The following CHODL variants were observed in gnomAD, a reference collection of about 807,000 sequenced individuals.
CHODL encodes chondrolectin.
In CHODL, 29 loss-of-function variants were observed where a neutral mutation model predicts 34.5. That is an observed-to-expected ratio of 0.84 (90% confidence interval 0.63 to 1.15). The LOEUF (loss-of-function observed/expected upper bound fraction) is 1.15, where lower values mean the gene tolerates loss of function less well. Ranked by LOEUF, CHODL falls within the 50% of genes most tolerant of loss-of-function variation. CHODL has a pLI of 0.00. For synonymous variants in CHODL, 125 were observed against 116.1 expected (o/e 1.08, Z -0.49); for missense variants, 332 against 332.5 (o/e 1.00, Z 0.01).
intron 1 of CHODL, among the ~76,000 whole-genome samples, chr21:17,920,622 A>G (rs575771294): frequency 3.9e-5 from 6 of 152,352 alleles, no homozygotes; most frequent in Non-Finnish European, 7.3e-5. Flanking sequence ...TGTTGTAAGG[A>G]TTAAACAAGA....
intron 2 of CHODL, among the ~76,000 whole-genome samples, chr21:18,192,764 A>T (rs2073525911): frequency 6.6e-6 from 1 of 152,182 alleles, no homozygotes; most frequent in African/African-American, 2.4e-5. Context: ...AACCCATTTT[A>T]TATCTTTATT....
At chr21:18,135,133 T>C (rs1159656580) in intron 2 of CHODL, among the ~76,000 whole-genome samples, 1 of 152,222 alleles carries the variant, frequency 6.6e-6, no homozygotes. Flanking sequence ...CTTTCTCCTA[T>C]TGAAGTGTAA....
At chr21:18,095,123 C>CAA (rs71329775) in intron 2 of CHODL, among the ~76,000 whole-genome samples, 1 of 131,832 alleles carries the variant, frequency 7.6e-6, no homozygotes, top group Non-Finnish European at 1.6e-5. Flanking sequence ...GACTTTGTCT[C>CAA]AAAAAAAAAA....
chr21:18,169,167 A>T (rs560498653), intron 2 of CHODL, among the ~76,000 whole-genome samples: 1 of 152,164 alleles, frequency 6.6e-6, no homozygotes, highest in African/African-American at 2.4e-5. Flanking sequence ...TTTGTAAAAA[A>T]TTTTTTGATT....
chr21:18,083,138 G>A (rs1172935576), intron 2 of CHODL, among the ~76,000 whole-genome samples: 1 of 152,204 alleles, frequency 6.6e-6, no homozygotes, highest in South Asian at 2.1e-4. Flanking sequence ...GCTCTTTGCA[G>A]TCTTGGGACA....
chr21:18,207,653 T>G (rs1388478314), intron 2 of CHODL, among the ~76,000 whole-genome samples: 2 of 129,318 alleles, frequency 1.5e-5, no homozygotes, highest in African/African-American at 3.0e-5. Context: ...TGATGAAATC[T>G]CTCAGCTTTT....
chr21:18,040,911 T>C (rs1305559874), intron 2 of CHODL, among the ~76,000 whole-genome samples: 1 of 151,916 alleles, frequency 6.6e-6, no homozygotes, highest in African/African-American at 2.4e-5. Context: ...GGTAATAAAT[T>C]GGCTTCTGAA....
chr21:18,156,020 G>A (rs1601081287), intron 2 of CHODL, among the ~76,000 whole-genome samples: 1 of 152,312 alleles, frequency 6.6e-6, no homozygotes, highest in Middle Eastern at 3.4e-3. Flanking sequence ...TTAACTGTCT[G>A]TAGTGTGAGA....
At chr21:18,009,117 C>G (rs912696777) in intron 1 of CHODL, among the ~76,000 whole-genome samples, 1 of 152,072 alleles carries the variant, frequency 6.6e-6, no homozygotes, top group South Asian at 2.1e-4. Context: ...ATCATTCTTC[C>G]GTCATAGACA....
chr21:18,004,044 T>C (rs73194584), intron 1 of CHODL, among the ~76,000 whole-genome samples: 28,475 of 152,166 alleles, frequency 0.19, 3,776 homozygotes, highest in African/African-American at 0.37. Flanking sequence ...ACATGGAAGG[T>C]CATGTGCTCA....
intron 2 of CHODL, among the ~76,000 whole-genome samples, chr21:18,047,029 A>G (rs2064452017): frequency 6.6e-6 from 1 of 151,908 alleles, no homozygotes; most frequent in African/African-American, 2.4e-5. Flanking sequence ...CTCCAAAGTA[A>G]GCAGTTCCCT....
At chr21:18,041,872 C>G (rs1248924611) in intron 2 of CHODL, among the ~76,000 whole-genome samples, 1 of 151,660 alleles carries the variant, frequency 6.6e-6, no homozygotes, top group African/African-American at 2.4e-5. Context: ...CTAAAGGGAG[C>G]CAAATTCAAA....
intron 1 of CHODL, among the ~76,000 whole-genome samples, chr21:17,974,170 A>G (rs983280584): frequency 3.9e-5 from 6 of 152,214 alleles, no homozygotes; most frequent in African/African-American, 1.2e-4. Context: ...CCACACAGAT[A>G]TGATGAACCA....
chr21:17,927,305 T>C (rs1322114120), intron 1 of CHODL, among the ~76,000 whole-genome samples: 1 of 151,840 alleles, frequency 6.6e-6, no homozygotes, highest in African/African-American at 2.4e-5. Context: ...CCCACACGTA[T>C]AGAATGGAAT....
chr21:18,237,157 A>T (rs1220769249), intron 2 of CHODL, among the ~76,000 whole-genome samples: 2 of 152,124 alleles, frequency 1.3e-5, no homozygotes, highest in Admixed American at 6.6e-5. Context: ...TGTTCTGGGC[A>T]AATTAGTACT....
intron 2 of CHODL, among the ~76,000 whole-genome samples, chr21:18,088,416 G>A (rs1377596492): frequency 1.3e-5 from 2 of 152,164 alleles, no homozygotes; most frequent in African/African-American, 4.8e-5. Flanking sequence ...TGCTGAGGCT[G>A]CTCTAGGTCT....
intron 2 of CHODL, among the ~76,000 whole-genome samples, chr21:18,236,551 A>G (rs1322253563): frequency 6.6e-6 from 1 of 152,130 alleles, no homozygotes; most frequent in Non-Finnish European, 1.5e-5. Context: ...TTTGGAAGGA[A>G]GTACGGTCAT....
intron 2 of CHODL, among the ~76,000 whole-genome samples, chr21:18,089,518 C>A (rs985341217): frequency 2.6e-5 from 4 of 152,116 alleles, no homozygotes; most frequent in Non-Finnish European, 4.4e-5. Context: ...TTTGTCACAG[C>A]ATGTGAAATA....
At chr21:18,033,383 T>C (rs922112324) in intron 2 of CHODL, among the ~76,000 whole-genome samples, 14 of 152,168 alleles carry the variant, frequency 9.2e-5, no homozygotes, top group African/African-American at 3.4e-4. Flanking sequence ...TGCAGAAGTA[T>C]GACATTATCT....
Sources: gnomAD v4.1 joint callset for allele counts (sites outside exome capture counted in the v4.1 genomes callset) on GRCh38, gnomAD v4.1.1 for gene constraint, MANE v1.5 for transcripts, NCBI Gene and HGNC (gene_info 2026-07-23, HGNC 2026-07-21) for gene names.